QSER1: variants seen among roughly 807,000 people sequenced by gnomAD.
QSER1 encodes the protein glutamine and serine-rich protein 1.
QSER1 carries 49 observed loss-of-function variants against 158.5 expected under a neutral mutation model. The ratio of observed to expected loss-of-function variants is 0.31; its 90% CI spans 0.25 to 0.39. The LOEUF (loss-of-function observed/expected upper bound fraction) is 0.39, where lower values mean the gene tolerates loss of function less well. Among genes scored for constraint, QSER1 ranks in the 10% least tolerant of loss-of-function variants. QSER1 has a pLI of 1.00. For missense variants in QSER1, 1,754 were observed against 2,010.3 expected (o/e 0.87, Z 2.44); for synonymous variants, 650 against 715.5 (o/e 0.91, Z 1.46).
chr11:32,960,334 A>C (rs1852600201), intron 8 of QSER1, among the ~76,000 whole-genome samples: 1 of 152,178 alleles, frequency 6.6e-6, no homozygotes, highest in Non-Finnish European at 1.5e-5. Flanking sequence ...AGGAGGGTGG[A>C]TCGCCTGATG....
intron 4 of QSER1, among the ~76,000 whole-genome samples, chr11:32,946,950 C>T (rs1166239895): frequency 1.3e-5 from 2 of 151,254 alleles, no homozygotes; most frequent in Admixed American, 6.6e-5. Context: ...TTTTTAAGCC[C>T]GTCAGAAAAG....
intron 5 of QSER1, 147 bp from the exon 6 acceptor site, chr11:32,955,149 A>G (rs904171545): frequency 3.5e-6 from 2 of 579,004 alleles, no homozygotes; most frequent in Admixed American, 3.9e-5. Context: ...TAACCAGCTT[A>G]TAAGAATTAT....
chr11:32,934,731 G>T lies in QSER1; in HGVS notation c.3473G>T (p.Gly1158Val), dbSNP rs750937616. The change falls in exon 4 of 13, where the codon GGT (glycine) becomes GTT (valine). Residue 1158 changes from glycine (G) to valine (V), a missense_variant. Gly to Val is a moderately radical substitution (Grantham distance 109). This residue lies in a region of QSER1 where 1,707 missense variants were observed against 1,919.6 expected (regional missense o/e 0.89). Transcript: ENST00000650167. ...TCAGAGAGTGAATTTACCTTAGGGG[G>T]TGACGACAGTGGTGTGTCAATGAAC... ...ATSESEFTLG[G>V]DDSGVSMNPA... The T allele has an allele frequency of 1.2e-6, 2 of 1,613,792 alleles. No homozygotes were observed. The highest frequency in any genetic ancestry group is 1.7e-6 in the Non-Finnish European group (2 of 1,179,888).
Position 32,975,275 on chromosome 11 carries a change from C to A in QSER1, c.5386C>A (p.Gln1796Lys), listed in dbSNP as rs1037386547. The A allele has an allele frequency of 1.3e-6, 2 of 1,574,426 alleles. No homozygotes were observed. The highest frequency in any genetic ancestry group is 1.7e-6 in the Non-Finnish European group (2 of 1,159,656). ...QEFAVDPEKIQLYSLYHSLHH... is the reference protein window; with the variant it reads ...QEFAVDPEKIKLYSLYHSLHH... ...GTTTGCTGTCGATCCAGAGAAAATA[C>A]AGTTGTATTCTTTGTATCATTCACT... The change falls in exon 12 of 13, where the codon CAG (glutamine) becomes AAG (lysine). Residue 1796 changes from glutamine to lysine, a missense_variant. By Grantham distance (53) the Gln-to-Lys change is moderately conservative (BLOSUM62 1). Coordinates refer to ENST00000650167, the MANE Select transcript of QSER1 (RefSeq NM_001076786.3).
chr11:32,977,078 G>C lies in QSER1; in HGVS notation c.*604G>C, dbSNP rs577771556. ...GTGGAATTGGTGCAATTCTCTGACT[G>C]CTTTTTGTGTCAAATTATATTGTGA... On this transcript the variant is annotated 3_prime_UTR_variant, in exon 13 of 13. Coordinates refer to ENST00000650167, the MANE Select transcript of QSER1 (RefSeq NM_001076786.3). 6.5e-6 allele frequency: 1 copy of C among 152,682 alleles called. No individual in the cohort carries two copies. The highest frequency in any genetic ancestry group is 1.9e-4 in the East Asian group (1 of 5,182). 9.5% of individuals were successfully genotyped at this position (152,682 alleles called of 1,614,324 possible).
chr11:32,932,117 G>A lies in QSER1; in HGVS notation c.859G>A (p.Gly287Arg), dbSNP rs762139876. 2.5e-6 allele frequency: 4 copies of A among 1,614,118 alleles called. No individual in the cohort carries two copies. In the South Asian group the frequency reaches 4.4e-5, roughly 18 times the overall value. The change falls in exon 4 of 13, where the codon GGA becomes AGA. Residue 287 changes from glycine (G) to arginine (R), a missense_variant. By Grantham distance (125) the Gly-to-Arg change is moderately radical. Transcript: ENST00000650167. ...QFSLLPSALG[G>R]SQQTPQAYSS... ...TAGTTTGTTGCCTTCAGCACTTGGG[G>A]GATCCCAGCAGACTCCTCAAGCCTA...
intron 10 of QSER1, 81 bp from the exon 11 acceptor site, chr11:32,973,316 C>T (rs1398052581): frequency 6.9e-7 from 1 of 1,448,362 alleles, no homozygotes; most frequent in Non-Finnish European, 9.6e-7. Context: ...TGTGCACACA[C>T]ACTTCTAAAT....
At chr11:32,911,437 C>T (rs549252517) in intron 1 of QSER1, among the ~76,000 whole-genome samples, 2 of 152,112 alleles carry the variant, frequency 1.3e-5, no homozygotes, top group East Asian at 3.9e-4. Context: ...AAAAAAGTAC[C>T]AAGTTATGAA....
chr11:32,903,594 T>C (rs988471120), intron 1 of QSER1, among the ~76,000 whole-genome samples: 4 of 151,088 alleles, frequency 2.6e-5, no homozygotes, highest in Admixed American at 1.3e-4. Context: ...CAGTAAGTTT[T>C]TTATTTGTTT....
At chr11:32,974,350 C>T (rs1852932100) in intron 11 of QSER1, among the ~76,000 whole-genome samples, 1 of 151,306 alleles carries the variant, frequency 6.6e-6, no homozygotes, top group Non-Finnish European at 1.5e-5. Context: ...CGCTTGAGTC[C>T]AGGGAATTGA....
At chr11:32,970,528 C>T (rs968633443) in intron 10 of QSER1, among the ~76,000 whole-genome samples, 12 of 152,120 alleles carry the variant, frequency 7.9e-5, no homozygotes, top group African/African-American at 2.9e-4. Flanking sequence ...CCTCAGCCTC[C>T]CAAGTAGCTG....
intron 7 of QSER1, among the ~76,000 whole-genome samples, chr11:32,956,474 T>C (rs572871933): frequency 4.7e-4 from 72 of 151,974 alleles, no homozygotes; most frequent in Non-Finnish European, 9.0e-4. Context: ...GTAAATAATA[T>C]AATGAAGTAA....
intron 4 of QSER1, among the ~76,000 whole-genome samples, chr11:32,939,825 T>C (rs141445621): frequency 5.2e-4 from 79 of 152,280 alleles, no homozygotes; most frequent in Non-Finnish European, 9.6e-4. Context: ...AAACGCTGAT[T>C]TGTGTGGGTC....
At position 32,955,918 on chromosome 11, in the gene QSER1, A is replaced by G. The variant is rs562172920; in HGVS notation, c.4618-70A>G. On this transcript the variant is annotated intron_variant, in intron 6 of 12. Coordinates refer to ENST00000650167, the MANE Select transcript of QSER1 (RefSeq NM_001076786.3). ...TTGAAGGTTGGCTATGGGATAGTCA[A>G]TTGAACAAACAAAGTAGCATTTGTA... is the stretch of plus-strand genomic sequence containing the variant. 4.9e-6 allele frequency: 7 copies of G among 1,434,274 alleles called. No homozygotes were observed. In the Admixed American group the frequency reaches 6.4e-5, roughly 13 times the overall value. 88.8% of individuals were successfully genotyped at this position (1,434,274 alleles called of 1,614,324 possible).
intron 1 of QSER1, among the ~76,000 whole-genome samples, chr11:32,921,227 TGAAA>T (rs965387615): frequency 6.6e-6 from 1 of 152,192 alleles, no homozygotes; most frequent in African/African-American, 2.4e-5. Flanking sequence ...ACATATTTAG[TGAAA>T]GAAGCCAGTC....
chr11:32,945,959 C>CT (rs1233015840), intron 4 of QSER1, among the ~76,000 whole-genome samples: 1 of 151,470 alleles, frequency 6.6e-6, no homozygotes, highest in Admixed American at 6.6e-5. Context: ...TTTCTCTAAA[C>CT]TTTCCTTCTC....
At chr11:32,894,534 C>T (rs764502602) in intron 1 of QSER1, among the ~76,000 whole-genome samples, 5 of 152,166 alleles carry the variant, frequency 3.3e-5, no homozygotes, top group Non-Finnish European at 7.4e-5. Context: ...TATACATTAC[C>T]GTGTTCCAGG....
intron 1 of QSER1, among the ~76,000 whole-genome samples, chr11:32,898,517 CACACACACACACAT>C (rs955425436): frequency 4.0e-5 from 6 of 148,628 alleles, no homozygotes; most frequent in Non-Finnish European, 7.4e-5. Flanking sequence ...CACACACACA[CACACACACACACAT>C]TGTAATGTGC....
Position 32,934,376 on chromosome 11 carries a change from G to C in QSER1, c.3118G>C (p.Gly1040Arg). Residue 1040 changes from glycine to arginine, a missense_variant, in exon 4 of 13, where the codon GGA (glycine) becomes CGA (arginine). By Grantham distance (125) the Gly-to-Arg change is moderately radical (BLOSUM62 -2). Around this residue, in one of 2 missense-constraint regions of QSER1, gnomAD observed 1,707 missense variants for 1,919.6 expected, o/e 0.89. Transcript: ENST00000650167. ...SDFNSMTATV[G>R]KPQNINDTSL... ...TTTTAACTCTATGACAGCTACAGTAGGAAAGCCACAGAATATAAATGATAC... is the reference window on the plus strand; with the variant it reads ...TTTTAACTCTATGACAGCTACAGTACGAAAGCCACAGAATATAAATGATAC... The C allele has an allele frequency of 6.2e-7, 1 of 1,613,754 alleles. No individual in the cohort carries two copies. The highest frequency in any genetic ancestry group is 8.5e-7 in the Non-Finnish European group (1 of 1,179,920).
Sources: allele counts gnomAD v4.1 joint callset (sites outside exome capture counted in the v4.1 genomes callset), GRCh38; gene constraint gnomAD v4.1.1; regional missense constraint gnomAD v4.1.1; transcripts MANE v1.5; gene names NCBI Gene and HGNC (gene_info 2026-07-23, HGNC 2026-07-21).